The following PCDH11X variants were observed in gnomAD, a reference collection of about 807,000 sequenced individuals.
The protein encoded by PCDH11X is protocadherin 11 X-linked, also known as protocadherin-11 X-linked.
Under a neutral mutation model 53.3 loss-of-function variants are expected in PCDH11X, and 18 were observed. The observed-to-expected ratio is 0.34, with a 90% confidence interval of 0.23 to 0.50. PCDH11X has a LOEUF of 0.50. Ranked by LOEUF, PCDH11X falls within the 20% of genes least tolerant of loss-of-function variation. The pLI, the probability that PCDH11X is intolerant of heterozygous loss-of-function variation, is 0.98. For synonymous variants in PCDH11X, 279 were observed against 393.3 expected (o/e 0.71, Z 3.44); for missense variants, 570 against 1,032.4 (o/e 0.55, Z 6.14).
intron 6 of PCDH11X, among the ~76,000 whole-genome samples, chrX:92,178,068 G>T (rs1290247764): frequency 2.7e-5 from 3 of 110,711 alleles, no homozygotes; most frequent in Non-Finnish European, 5.7e-5. Context: ...CAATTCTGTT[G>T]CTTTCTCTTT....
At chrX:92,491,902 G>T (rs1280587318) in intron 10 of PCDH11X, among the ~76,000 whole-genome samples, 2 of 111,588 alleles carry the variant, frequency 1.8e-5, no homozygotes, top group Non-Finnish European at 3.8e-5. Flanking sequence ...GTTACAAATG[G>T]TAGTATATCC....
chrX:92,186,187 G>A (rs1285935305), intron 6 of PCDH11X, among the ~76,000 whole-genome samples: 1 of 111,955 alleles, frequency 8.9e-6, no homozygotes, highest in African/African-American at 3.2e-5. Flanking sequence ...AAAAATGAAT[G>A]AAATCCTATC....
intron 6 of PCDH11X, among the ~76,000 whole-genome samples, chrX:91,942,380 C>T (rs1276436234): frequency 4.5e-5 from 5 of 110,365 alleles, no homozygotes; most frequent in East Asian, 5.7e-4. Context: ...AGTGACATCA[C>T]TACAGATTAG....
At chrX:92,274,525 C>G (rs898744496) in intron 8 of PCDH11X, among the ~76,000 whole-genome samples, 5 of 111,131 alleles carry the variant, frequency 4.5e-5, no homozygotes, top group African/African-American at 1.6e-4. Context: ...GTGAAAGTGT[C>G]TACCTAGACT....
chrX:91,855,697 G>A (rs1050410335), intron 5 of PCDH11X, among the ~76,000 whole-genome samples: 2 of 110,389 alleles, frequency 1.8e-5, no homozygotes, highest in African/African-American at 3.3e-5. Flanking sequence ...CATAGTTTTC[G>A]TGATTGAGAT....
intron 7 of PCDH11X, among the ~76,000 whole-genome samples, chrX:92,232,907 G>C (rs934833482): frequency 9.0e-6 from 1 of 110,863 alleles, no homozygotes; most frequent in South Asian, 3.8e-4. Flanking sequence ...AGTAGAGATG[G>C]GGTTTCACCA....
In PCDH11X at chrX:92,598,627, T is replaced by C. The variant is rs757855795; in HGVS notation, c.3368-19637T>C. ...GGAATGTAAATTAGTACAACCACTA[T>C]AGAGAACAGTTTGGAGGGTCCTCAC... On this transcript the variant is annotated intron_variant, in intron 10 of 10. Coordinates refer to ENST00000682573, the MANE Select transcript of PCDH11X (RefSeq NM_032968.5). Among the ~76,000 whole-genome samples the C allele has an allele frequency of 5.3e-3, 491 of 92,834 alleles. 2 individuals are homozygous for C. Among genetic ancestry groups the C allele is most frequent in the African/African-American group, 0.02 (457 of 22,350 alleles). The allele number at this position is 92,834 out of a possible 115,157, so 80.6% of individuals were successfully genotyped here. A position where few individuals can be genotyped will look rare whatever the true frequency, so the allele number is the denominator to read the frequency against.
chrX:92,236,200 G>A (rs2067169615), intron 7 of PCDH11X, among the ~76,000 whole-genome samples: 1 of 110,827 alleles, frequency 9.0e-6, no homozygotes, highest in Non-Finnish European at 1.9e-5. Flanking sequence ...GGAGACTTAA[G>A]GCATGGTTAG....
At chrX:92,137,178 C>G (rs1355319943) in intron 6 of PCDH11X, among the ~76,000 whole-genome samples, 1 of 109,996 alleles carries the variant, frequency 9.1e-6, no homozygotes, top group Admixed American at 9.8e-5. Context: ...ATACTACAAG[C>G]AAATATATAC....
At chrX:92,018,851 A>G (rs1410726106) in intron 6 of PCDH11X, among the ~76,000 whole-genome samples, 4 of 112,800 alleles carry the variant, frequency 3.5e-5, no homozygotes, top group Non-Finnish European at 7.5e-5. Flanking sequence ...TCTTACATGT[A>G]TCAGAAAAAA....
At chrX:92,258,300 G>A (rs181867458) in intron 7 of PCDH11X, among the ~76,000 whole-genome samples, 1 of 110,553 alleles carries the variant, frequency 9.0e-6, no homozygotes, top group African/African-American at 3.3e-5. Flanking sequence ...TGTCTGAAAT[G>A]CCCTTGAGAT....
At chrX:91,875,352 G>C (rs1317953179) in intron 5 of PCDH11X, among the ~76,000 whole-genome samples, 1 of 99,633 alleles carries the variant, frequency 1.0e-5, no homozygotes, top group African/African-American at 3.7e-5. Context: ...GCGCCATCTC[G>C]GCTCACTGCA....
chrX:92,412,509 GTATATA>G (rs748836273), intron 9 of PCDH11X, among the ~76,000 whole-genome samples: 27,438 of 63,861 alleles, frequency 0.43, 5,197 homozygotes, highest in East Asian at 0.6. Context: ...AAAGAAAATA[GTATATA>G]TATATATATA....
chrX:92,161,106 C>A (rs1307464575), intron 6 of PCDH11X, among the ~76,000 whole-genome samples: 1 of 110,444 alleles, frequency 9.1e-6, no homozygotes, highest in Non-Finnish European at 1.9e-5. Flanking sequence ...AGATTTTCTC[C>A]CACTCTGTGA....
At chrX:92,540,285 C>G (rs2074733513) in intron 10 of PCDH11X, among the ~76,000 whole-genome samples, 1 of 109,793 alleles carries the variant, frequency 9.1e-6, no homozygotes, top group Non-Finnish European at 1.9e-5. Flanking sequence ...CGAAGTCCTT[C>G]CTGCTTTTCC....
At chrX:92,528,528 G>C (rs142878422) in intron 10 of PCDH11X, among the ~76,000 whole-genome samples, 1,433 of 111,217 alleles carry the variant, frequency 0.013, 22 homozygotes, top group African/African-American at 0.045. Flanking sequence ...CCCGACCTCA[G>C]GTGATCCACC....
intron 9 of PCDH11X, among the ~76,000 whole-genome samples, chrX:92,448,332 T>C (rs1425161259): frequency 1.0e-5 from 1 of 100,261 alleles, no homozygotes; most frequent in Non-Finnish European, 2.0e-5. Context: ...ACAATTCCCA[T>C]ATGTTGTGGG....
At chrX:92,120,362 C>T (rs1419802004) in intron 6 of PCDH11X, among the ~76,000 whole-genome samples, 1 of 110,811 alleles carries the variant, frequency 9.0e-6, no homozygotes, top group East Asian at 2.8e-4. Context: ...GTTTCACCAT[C>T]TTGGCCAGGC....
intron 7 of PCDH11X, among the ~76,000 whole-genome samples, chrX:92,213,660 G>T (rs2066633121): frequency 9.0e-6 from 1 of 111,465 alleles, no homozygotes. Flanking sequence ...CATGTCCATA[G>T]ATAAAAGGCT....
Sources: allele counts gnomAD v4.1 joint callset (sites outside exome capture counted in the v4.1 genomes callset), GRCh38; gene constraint gnomAD v4.1.1; transcripts MANE v1.5; gene names NCBI Gene and HGNC (gene_info 2026-07-23, HGNC 2026-07-21).